Variants in KCNK13 observed in about 807,000 individuals in gnomAD.
The protein encoded by KCNK13 is potassium two pore domain channel subfamily K member 13, also known as potassium channel subfamily K member 13.
Under a neutral mutation model 23.4 loss-of-function variants are expected in KCNK13, and 12 were observed. That is an observed-to-expected ratio of 0.51 (90% CI 0.33 to 0.83). The LOEUF (loss-of-function observed/expected upper bound fraction) is 0.83. Ranked by LOEUF, KCNK13 falls within the 40% of genes least tolerant of loss-of-function variation. The pLI, the probability that KCNK13 is intolerant of heterozygous loss-of-function variation, is 0.02. For missense variants in KCNK13, 463 were observed against 556.3 expected (o/e 0.83, Z 1.69); for synonymous variants, 231 against 229.5 (o/e 1.01, Z -0.06).
At chr14:90,164,066 G>A (rs567418547) in intron 1 of KCNK13, among the ~76,000 whole-genome samples, 1 of 152,318 alleles carries the variant, frequency 6.6e-6, no homozygotes, top group East Asian at 1.9e-4. Flanking sequence ...CATGGGAGGT[G>A]TCTGTCTTCA....
intron 1 of KCNK13, among the ~76,000 whole-genome samples, chr14:90,146,337 G>A (rs1890072872): frequency 2.0e-5 from 3 of 151,856 alleles, no homozygotes; most frequent in Non-Finnish European, 2.9e-5. Context: ...TTTAGTGGGG[G>A]GGCAATCTCG....
At chr14:90,098,411 A>G (rs1596776809) in intron 1 of KCNK13, among the ~76,000 whole-genome samples, 1 of 152,240 alleles carries the variant, frequency 6.6e-6, no homozygotes, top group African/African-American at 2.4e-5. Flanking sequence ...CTGAAGGTCA[A>G]TGTGGTCACA....
chr14:90,151,859 C>T (rs1357500250), intron 1 of KCNK13, among the ~76,000 whole-genome samples: 1 of 152,186 alleles, frequency 6.6e-6, no homozygotes, highest in Non-Finnish European at 1.5e-5. Context: ...GTTTTCCTAA[C>T]ATCATTTATT....
chr14:90,182,012 A>T (rs1245625361), intron 1 of KCNK13, among the ~76,000 whole-genome samples: 1 of 152,168 alleles, frequency 6.6e-6, no homozygotes, highest in Non-Finnish European at 1.5e-5. Flanking sequence ...AAGAGTTCCC[A>T]GAGAAGAGAT....
At chr14:90,178,342 A>G (rs1030617421) in intron 1 of KCNK13, among the ~76,000 whole-genome samples, 1 of 151,204 alleles carries the variant, frequency 6.6e-6, no homozygotes, top group Non-Finnish European at 1.5e-5. Context: ...CCCAGGCTAG[A>G]GTGCAATGGC....
chr14:90,136,160 A>G (rs946498116), intron 1 of KCNK13, among the ~76,000 whole-genome samples: 33 of 152,136 alleles, frequency 2.2e-4, no homozygotes, highest in African/African-American at 7.7e-4. Context: ...TGGGACAAGC[A>G]GAAGGCTGAA....
chr14:90,068,497 C>G (rs916288024), intron 1 of KCNK13, among the ~76,000 whole-genome samples: 4 of 152,032 alleles, frequency 2.6e-5, no homozygotes, highest in Admixed American at 1.3e-4. Context: ...ACTTGGCGGG[C>G]TGAGGTAGGA....
intron 1 of KCNK13, among the ~76,000 whole-genome samples, chr14:90,115,627 T>C (rs1264050678): frequency 1.3e-5 from 2 of 152,192 alleles, no homozygotes; most frequent in African/African-American, 2.4e-5. Flanking sequence ...ACTTTGCGAC[T>C]GTAGCCTGAA....
intron 1 of KCNK13, among the ~76,000 whole-genome samples, chr14:90,149,482 G>A (rs539945292): frequency 1.3e-5 from 2 of 152,360 alleles, no homozygotes; most frequent in South Asian, 4.1e-4. Flanking sequence ...AGGCAAGAGG[G>A]CACATGCAGG....
chr14:90,122,667 C>T (rs1009618596), intron 1 of KCNK13, among the ~76,000 whole-genome samples: 6 of 151,520 alleles, frequency 4.0e-5, no homozygotes, highest in Admixed American at 3.3e-4. Context: ...GTTTTGTTTG[C>T]GACACGATAT....
intron 1 of KCNK13, among the ~76,000 whole-genome samples, chr14:90,084,079 A>G (rs1300285257): frequency 2.0e-5 from 3 of 152,230 alleles, no homozygotes. Flanking sequence ...GCTTTGTAGT[A>G]AATTTTGAAA....
chr14:90,094,035 C>T (rs1451044015), intron 1 of KCNK13, among the ~76,000 whole-genome samples: 1 of 152,118 alleles, frequency 6.6e-6, no homozygotes, highest in African/African-American at 2.4e-5. Flanking sequence ...TGAGCTTTCA[C>T]TCCATGGAGA....
At chr14:90,080,797 G>A (rs372584297) in intron 1 of KCNK13, among the ~76,000 whole-genome samples, 183 of 152,168 alleles carry the variant, frequency 1.2e-3, no homozygotes, top group South Asian at 8.5e-3. Flanking sequence ...ATAGCTAACC[G>A]GCCCATGTCC....
At chr14:90,132,856 CAT>C (rs1267761102) in intron 1 of KCNK13, among the ~76,000 whole-genome samples, 1 of 152,188 alleles carries the variant, frequency 6.6e-6, no homozygotes, top group East Asian at 1.9e-4. Context: ...ATCTAATTCT[CAT>C]AACACCCTGA....
chr14:90,072,187 C>T (rs1031867380), intron 1 of KCNK13, among the ~76,000 whole-genome samples: 5 of 152,152 alleles, frequency 3.3e-5, no homozygotes, highest in African/African-American at 7.2e-5. Context: ...ATACCTACTG[C>T]GTCTTCCTTT....
intron 1 of KCNK13, among the ~76,000 whole-genome samples, chr14:90,137,639 G>C (rs1889954593): frequency 1.3e-5 from 2 of 152,066 alleles, no homozygotes; most frequent in Non-Finnish European, 2.9e-5. Context: ...GTTTTAAAAT[G>C]ACACGTTGAG....
chr14:90,090,084 TAGC>T (rs1889324349), intron 1 of KCNK13, among the ~76,000 whole-genome samples: 1 of 152,204 alleles, frequency 6.6e-6, no homozygotes, highest in African/African-American at 2.4e-5. Context: ...GGGCACCACA[TAGC>T]AGAGCTGTAA....
At chr14:90,122,642 G>A (rs539167770) in intron 1 of KCNK13, among the ~76,000 whole-genome samples, 36 of 152,254 alleles carry the variant, frequency 2.4e-4, no homozygotes, top group African/African-American at 8.4e-4. Context: ...TAAGGATGGA[G>A]TGTGAAATTG....
chr14:90,070,782 G>A (rs1260165416), intron 1 of KCNK13, among the ~76,000 whole-genome samples: 9 of 152,164 alleles, frequency 5.9e-5, no homozygotes, highest in Non-Finnish European at 1.0e-4. Flanking sequence ...TGGCAGGTGC[G>A]TTTGGAATTA....
Sources: allele counts gnomAD v4.1 joint callset (sites outside exome capture counted in the v4.1 genomes callset), GRCh38; gene constraint gnomAD v4.1.1; transcripts MANE v1.5; gene names NCBI Gene and HGNC (gene_info 2026-07-23, HGNC 2026-07-21).